The following SHTN1 variants were observed in gnomAD, a reference collection of about 807,000 sequenced individuals.
SHTN1 encodes shootin-1.
A neutral mutation model predicts 83.1 loss-of-function variants in SHTN1; 42 were observed. The ratio of observed to expected loss-of-function variants is 0.51; its 90% CI spans 0.39 to 0.65. The LOEUF (loss-of-function observed/expected upper bound fraction) is 0.65, where lower values mean the gene tolerates loss of function less well. SHTN1 is among the 30% of genes least tolerant of loss of function. The pLI, the probability that SHTN1 is intolerant of heterozygous loss-of-function variation, is 0.00. For missense variants in SHTN1, 622 were observed against 737.8 expected, an observed-to-expected ratio of 0.84 and a Z score of 1.82; for synonymous variants, 224 against 247.7, an observed-to-expected ratio of 0.90 and a Z score of 0.90.
At chr10:117,086,455 T>C (rs555317758) in intron 1 of SHTN1, among the ~76,000 whole-genome samples, 2 of 152,362 alleles carry the variant, frequency 1.3e-5, no homozygotes, top group African/African-American at 4.8e-5. Context: ...TAATTATGAA[T>C]ATAGTTGGAC....
intron 16 of SHTN1, among the ~76,000 whole-genome samples, chr10:116,887,114 G>T (rs147090502): frequency 6.6e-6 from 1 of 152,172 alleles, no homozygotes; most frequent in Admixed American, 6.5e-5. Flanking sequence ...ACTTCAGGAG[G>T]GGGTGGTGGT....
At chr10:117,019,979 G>T (rs1433786263) in intron 2 of SHTN1, among the ~76,000 whole-genome samples, 1 of 152,156 alleles carries the variant, frequency 6.6e-6, no homozygotes, top group Non-Finnish European at 1.5e-5. Context: ...TTCATCTACA[G>T]ACGTGATGTA....
chr10:117,091,095 C>T (rs1449427431), intron 1 of SHTN1, among the ~76,000 whole-genome samples: 1 of 152,170 alleles, frequency 6.6e-6, no homozygotes, highest in African/African-American at 2.4e-5. Flanking sequence ...TTTCTCTTGA[C>T]CTCTGTTCCA....
At chr10:117,056,628 T>C (rs1165814788) in intron 1 of SHTN1, among the ~76,000 whole-genome samples, 1 of 151,916 alleles carries the variant, frequency 6.6e-6, no homozygotes, top group Non-Finnish European at 1.5e-5. Context: ...TGGCTAACAC[T>C]GTGAAACCCC....
At chr10:117,026,479 A>G (rs1182014721) in intron 2 of SHTN1, among the ~76,000 whole-genome samples, 1 of 150,844 alleles carries the variant, frequency 6.6e-6, no homozygotes, top group Admixed American at 6.6e-5. Context: ...CTGGAATTCA[A>G]TGTCATAATC....
chr10:116,964,798 C>T (rs1395162697), intron 3 of SHTN1, among the ~76,000 whole-genome samples: 1 of 152,092 alleles, frequency 6.6e-6, no homozygotes, highest in Non-Finnish European at 1.5e-5. Flanking sequence ...GCCCGGCCAA[C>T]ATGGTGAAAC....
chr10:116,906,082 G>A (rs1014142659), intron 15 of SHTN1, among the ~76,000 whole-genome samples: 3 of 152,256 alleles, frequency 2.0e-5, no homozygotes, highest in Admixed American at 2.0e-4. Context: ...TGTAACTGAT[G>A]TGTAATTTCT....
At chr10:117,028,728 G>A (rs1647613109) in intron 2 of SHTN1, among the ~76,000 whole-genome samples, 1 of 152,212 alleles carries the variant, frequency 6.6e-6, no homozygotes, top group Non-Finnish European at 1.5e-5. Context: ...TGTTAAGCCT[G>A]CAGGTGCACA....
chr10:116,965,766 C>T (rs1160437119), intron 3 of SHTN1, among the ~76,000 whole-genome samples: 1 of 152,146 alleles, frequency 6.6e-6, no homozygotes, highest in African/African-American at 2.4e-5. Flanking sequence ...CAGTGTTAAG[C>T]ATTTTTTATA....
At chr10:116,907,978 A>C (rs2133339675) in intron 14 of SHTN1, 1 of 494,768 alleles carries the variant, frequency 2.0e-6, no homozygotes, top group Non-Finnish European at 4.0e-6. Context: ...TTTTTACAAG[A>C]AGCCTTGTTT....
rs531266301 is a variant in SHTN1 at position 117,123,143 on chromosome 10, C to T, written c.-189+3164G>A. Among the ~76,000 whole-genome samples the T allele has an allele frequency of 7.3e-4, 111 of 152,232 alleles. 2 individuals are homozygous for T. In the South Asian group the frequency reaches 0.022, roughly 30 times the overall value. ...TCAGCCTCCCAAGTAGTTGGGATTA[C>T]AGGCATGTACCACCAAGCCCAGCTC... is the stretch of plus-strand genomic sequence containing the variant. On this transcript the variant is annotated intron_variant, in intron 1 of 17. Transcript: ENST00000392901.
intron 2 of SHTN1, chr10:116,973,743 C>A (rs536996222): frequency 7.4e-5 from 40 of 537,834 alleles, no homozygotes; most frequent in African/African-American, 5.6e-4. Context: ...GCCACTAAGT[C>A]TGAAGAAGTT....
intron 16 of SHTN1, among the ~76,000 whole-genome samples, chr10:116,895,274 C>T (rs1847479243): frequency 6.6e-6 from 1 of 151,972 alleles, no homozygotes; most frequent in Admixed American, 6.6e-5. Flanking sequence ...TTAAAATGTT[C>T]AATAAAATAA....
chr10:116,980,238 G>T (rs1850965923), intron 1 of SHTN1, among the ~76,000 whole-genome samples: 1 of 152,172 alleles, frequency 6.6e-6, no homozygotes, highest in African/African-American at 2.4e-5. Flanking sequence ...TAAAACTGCT[G>T]CTCACCCCAG....
chr10:116,950,673 T>C (rs1849745039), intron 6 of SHTN1, among the ~76,000 whole-genome samples: 1 of 152,314 alleles, frequency 6.6e-6, no homozygotes, highest in East Asian at 1.9e-4. Context: ...AGATAATCTA[T>C]TAACTGGTTC....
At chr10:117,077,803 T>G (rs1016259789) in intron 1 of SHTN1, among the ~76,000 whole-genome samples, 5 of 152,152 alleles carry the variant, frequency 3.3e-5, no homozygotes, top group African/African-American at 4.8e-5. Flanking sequence ...ACAAAGGACA[T>G]GAACTCATCA....
intron 7 of SHTN1, among the ~76,000 whole-genome samples, chr10:116,946,183 CATATATATATAA>C (rs1849568090): frequency 6.7e-6 from 1 of 149,092 alleles, no homozygotes; most frequent in African/African-American, 2.5e-5. Flanking sequence ...CTCTGTCTTC[CATATATATATAA>C]ATATATATAT....
At chr10:116,955,356 C>T (rs183929983) in intron 4 of SHTN1, among the ~76,000 whole-genome samples, 174 of 152,256 alleles carry the variant, frequency 1.1e-3, no homozygotes, top group African/African-American at 4.0e-3. Flanking sequence ...CCTTAATTTG[C>T]GCACATCAAA....
chr10:117,016,533 A>C (rs967461276), intron 2 of SHTN1, among the ~76,000 whole-genome samples: 2 of 152,124 alleles, frequency 1.3e-5, no homozygotes, highest in Admixed American at 6.5e-5. Context: ...CAGCCTCCTA[A>C]GTAGCTGGAA....
Sources: gnomAD v4.1 joint callset for allele counts (sites outside exome capture counted in the v4.1 genomes callset) on GRCh38, gnomAD v4.1.1 for gene constraint, MANE v1.5 for transcripts, NCBI Gene and HGNC (gene_info 2026-07-23, HGNC 2026-07-21) for gene names.